The following EXOC4 variants were observed in gnomAD, a reference collection of about 807,000 sequenced individuals.
EXOC4 encodes SEC8-like 1.
In EXOC4, 71 loss-of-function variants were observed where a neutral mutation model predicts 107.2. The observed-to-expected ratio is 0.66, with a 90% CI of 0.55 to 0.81. The LOEUF (loss-of-function observed/expected upper bound fraction) is 0.81, where lower values mean the gene tolerates loss of function less well. EXOC4 is among the 30% of genes least tolerant of loss of function. The pLI is 0.00. For synonymous variants in EXOC4, 456 were observed against 441.2 expected, an observed-to-expected ratio of 1.03 and a Z score of -0.42; for missense variants, 1,108 against 1,189.6, an observed-to-expected ratio of 0.93 and a Z score of 1.01.
intron 11 of EXOC4, among the ~76,000 whole-genome samples, chr7:133,845,009 A>G (rs920564339): frequency 6.6e-6 from 1 of 152,188 alleles, no homozygotes. Context: ...TGAAAATCCA[A>G]AGTTGTATCT....
intron 17 of EXOC4, among the ~76,000 whole-genome samples, chr7:134,017,918 G>A (rs1045058759): frequency 6.6e-6 from 1 of 152,202 alleles, no homozygotes; most frequent in Non-Finnish European, 1.5e-5. Context: ...CTGGCAGACA[G>A]TGACACTCTT....
chr7:133,458,858 C>T (rs1798523680), intron 7 of EXOC4, among the ~76,000 whole-genome samples: 1 of 149,580 alleles, frequency 6.7e-6, no homozygotes, highest in African/African-American at 2.5e-5. Context: ...ATAGCCCTCC[C>T]TCCCACCCCC....
At chr7:133,662,558 CACGT>C (rs750912654) in intron 10 of EXOC4, among the ~76,000 whole-genome samples, 4 of 152,024 alleles carry the variant, frequency 2.6e-5, no homozygotes, top group Non-Finnish European at 4.4e-5. Context: ...CCTCACCTAT[CACGT>C]ATGGCTAGTT....
At chr7:133,471,105 G>C in intron 7 of EXOC4, among the ~76,000 whole-genome samples, 1 of 152,100 alleles carries the variant, frequency 6.6e-6, no homozygotes, top group Middle Eastern at 3.4e-3. Flanking sequence ...AGGCTTTTTT[G>C]TTCTTTGAGA....
At position 133,895,691 on chromosome 7, in the gene EXOC4, C is replaced by T. The variant is rs34995232; in HGVS notation, c.1827C>T (p.Cys609=). ...AYSDQFLNMV[C]VKLQEYKDTC... ...CAGATCAATTCCTCAACATGGTGTG[C>T]GTGAAGCTCCAGGAGTACAAGGACA... The change falls in exon 12 of 18, where the codon TGC becomes TGT. Residue 609 remains cysteine (C), a synonymous_variant. Transcript: ENST00000253861. The T allele has an allele frequency of 4.8e-5, 78 of 1,613,968 alleles. No individual in the cohort carries two copies. The highest frequency in any genetic ancestry group is 3.3e-4 in the Middle Eastern group (2 of 6,084).
chr7:133,853,323 GTC>G (rs113296842), intron 11 of EXOC4, among the ~76,000 whole-genome samples: 17,720 of 101,740 alleles, frequency 0.17, 1,215 homozygotes, highest in Middle Eastern at 0.25. Context: ...CTCTCTTTCT[GTC>G]TCTCTCTCTC....
At chr7:133,274,742 C>A (rs1056588227) in intron 1 of EXOC4, among the ~76,000 whole-genome samples, 2 of 152,142 alleles carry the variant, frequency 1.3e-5, no homozygotes, top group Non-Finnish European at 2.9e-5. Context: ...AAAATCAGTT[C>A]TAATGCCAAT....
chr7:133,528,450 T>A (rs1800120848), intron 9 of EXOC4, among the ~76,000 whole-genome samples: 1 of 152,108 alleles, frequency 6.6e-6, no homozygotes, highest in Non-Finnish European at 1.5e-5. Context: ...TGATAGGAGC[T>A]ATAGAGATCT....
At chr7:133,887,182 G>A (rs562723488) in intron 11 of EXOC4, among the ~76,000 whole-genome samples, 1 of 152,260 alleles carries the variant, frequency 6.6e-6, no homozygotes, top group African/African-American at 2.4e-5. Flanking sequence ...AATGCTATCA[G>A]CACAATTCTC....
intron 11 of EXOC4, among the ~76,000 whole-genome samples, chr7:133,822,666 G>A (rs553117101): frequency 2.0e-4 from 30 of 152,142 alleles, no homozygotes; most frequent in African/African-American, 4.8e-4. Context: ...CCCATGGACC[G>A]GGAGCATCAG....
chr7:133,273,194 T>G (rs1793913230), intron 1 of EXOC4, among the ~76,000 whole-genome samples: 2 of 152,250 alleles, frequency 1.3e-5, no homozygotes, highest in South Asian at 4.1e-4. Flanking sequence ...CAAAGTTGTG[T>G]ATCATTAAAA....
intron 5 of EXOC4, among the ~76,000 whole-genome samples, chr7:133,324,052 G>A (rs200514052): frequency 6.6e-6 from 1 of 152,068 alleles, no homozygotes. Context: ...GGGATCAGTG[G>A]TGATATCCCC....
chr7:133,875,482 A>G (rs1435793854), intron 11 of EXOC4, among the ~76,000 whole-genome samples: 2 of 152,126 alleles, frequency 1.3e-5, no homozygotes, highest in Non-Finnish European at 2.9e-5. Context: ...AGGAATGTTG[A>G]AAGAGAGAAG....
intron 10 of EXOC4, among the ~76,000 whole-genome samples, chr7:133,702,371 C>G (rs1409846661): frequency 6.8e-6 from 1 of 146,110 alleles, no homozygotes; most frequent in African/African-American, 2.5e-5. Context: ...CAAGGTCTCA[C>G]GCTGTTGCCC....
chr7:133,736,469 G>C (rs1477523887), intron 10 of EXOC4, among the ~76,000 whole-genome samples: 1 of 152,176 alleles, frequency 6.6e-6, no homozygotes, highest in Non-Finnish European at 1.5e-5. Flanking sequence ...TACCCCAGAA[G>C]ACTCTAATAT....
intron 17 of EXOC4, among the ~76,000 whole-genome samples, chr7:134,039,478 A>T (rs1795464809): frequency 6.6e-6 from 1 of 152,162 alleles, no homozygotes; most frequent in African/African-American, 2.4e-5. Flanking sequence ...TTGTTCTTAG[A>T]ATTCTGAACA....
intron 9 of EXOC4, among the ~76,000 whole-genome samples, chr7:133,619,808 C>T (rs1361426543): frequency 6.6e-6 from 1 of 152,170 alleles, no homozygotes; most frequent in African/African-American, 2.4e-5. Flanking sequence ...CTAGTTGGCC[C>T]AGTTCCCCAG....
chr7:134,018,922 T>G (rs1440652355), intron 17 of EXOC4, among the ~76,000 whole-genome samples: 1 of 152,036 alleles, frequency 6.6e-6, no homozygotes, highest in Non-Finnish European at 1.5e-5. Flanking sequence ...GTATGTTTGT[T>G]TTTGTTTTTT....
At chr7:133,364,195 C>T (rs1360284956) in intron 6 of EXOC4, among the ~76,000 whole-genome samples, 1 of 151,874 alleles carries the variant, frequency 6.6e-6, no homozygotes, top group African/African-American at 2.4e-5. Context: ...GCCCAATCAT[C>T]ATGGCTCACT....
Sources: allele counts gnomAD v4.1 joint callset (sites outside exome capture counted in the v4.1 genomes callset), GRCh38; gene constraint gnomAD v4.1.1; transcripts MANE v1.5; gene names NCBI Gene and HGNC (gene_info 2026-07-23, HGNC 2026-07-21).